The following ITPK1 variants were observed in gnomAD, a reference collection of about 807,000 sequenced individuals.
ITPK1 encodes inositol 1,3,4-trisphosphate 5/6-kinase.
A neutral mutation model predicts 45.3 loss-of-function variants in ITPK1; 21 were observed. The observed-to-expected ratio is 0.46, with a 90% CI of 0.33 to 0.67. The LOEUF is 0.67. ITPK1 is among the 30% of genes least tolerant of loss of function. The pLI, the probability that ITPK1 is intolerant of heterozygous loss-of-function variation, is 0.02. For synonymous variants in ITPK1, 258 were observed against 253.6 expected (o/e 1.02, Z -0.16); for missense variants, 474 against 573.5 (o/e 0.83, Z 1.77).
chr14:93,073,195 G>T (rs186035666), intron 3 of ITPK1, among the ~76,000 whole-genome samples: 70 of 152,346 alleles, frequency 4.6e-4, no homozygotes, highest in African/African-American at 1.7e-3. Flanking sequence ...TTACAGATGA[G>T]CAGAAAGACA....
chr14:92,948,188 G>A (rs1410986581), intron 9 of ITPK1, among the ~76,000 whole-genome samples: 1 of 152,056 alleles, frequency 6.6e-6, no homozygotes, highest in Non-Finnish European at 1.5e-5. Flanking sequence ...AATAACATGA[G>A]GTGGGGGAAA....
chr14:93,067,646 G>A (rs1045262768), intron 3 of ITPK1: 43 of 152,024 alleles, frequency 2.8e-4, no homozygotes, highest in African/African-American at 1.0e-3. Flanking sequence ...CAACTCACGA[G>A]CATTTCCCCA....
chr14:93,015,477 G>A (rs1888130272), intron 4 of ITPK1, among the ~76,000 whole-genome samples: 1 of 152,194 alleles, frequency 6.6e-6, no homozygotes, highest in African/African-American at 2.4e-5. Context: ...CTTATTCCTA[G>A]CACCCATTTT....
chr14:92,959,144 G>A (rs539008236), intron 7 of ITPK1, among the ~76,000 whole-genome samples: 123 of 152,320 alleles, frequency 8.1e-4, no homozygotes, highest in African/African-American at 2.8e-3. Flanking sequence ...GGTAGGGAGT[G>A]CAGGGGGGCA....
chr14:93,104,431 C>T (rs1023762805), intron 2 of ITPK1, among the ~76,000 whole-genome samples: 14 of 150,588 alleles, frequency 9.3e-5, no homozygotes, highest in Admixed American at 2.0e-4. Context: ...CCTTGCACTC[C>T]GGCCTGGGTG....
rs371931658 is a variant in ITPK1 at position 93,033,699 on chromosome 14, C to A, written c.121-16898G>T. Among the ~76,000 whole-genome samples, 92 of 152,266 alleles carry A rather than the reference C, an allele frequency of 6.0e-4. No homozygotes were observed. In the South Asian group the frequency reaches 0.015, roughly 24 times the overall value. On this transcript the variant is annotated intron_variant, in intron 3 of 10. Transcript: ENST00000267615. The stretch of plus-strand genomic sequence containing the variant: ...GAAAGGCAGAGAGGAGAAAGAGGCG[C>A]TAGAGAGAGACAGACACACACCCAC...
intron 3 of ITPK1, among the ~76,000 whole-genome samples, chr14:93,019,962 G>C (rs1367940193): frequency 6.6e-6 from 1 of 152,210 alleles, no homozygotes; most frequent in Admixed American, 6.5e-5. Context: ...AGAGGACGGG[G>C]TCTGGTTTGT....
At chr14:93,000,486 T>A (rs1016396974) in intron 4 of ITPK1, among the ~76,000 whole-genome samples, 1 of 152,200 alleles carries the variant, frequency 6.6e-6, no homozygotes, top group Non-Finnish European at 1.5e-5. Context: ...ACCAAGTTTC[T>A]GAGAGGCAAT....
chr14:93,039,636 C>A (rs898891802), intron 3 of ITPK1, among the ~76,000 whole-genome samples: 5 of 152,236 alleles, frequency 3.3e-5, no homozygotes, highest in African/African-American at 1.2e-4. Flanking sequence ...CCCCACTGTG[C>A]TTCTGTGACC....
chr14:92,982,174 C>G (rs1886267971), intron 5 of ITPK1, among the ~76,000 whole-genome samples: 1 of 152,232 alleles, frequency 6.6e-6, no homozygotes, highest in African/African-American at 2.4e-5. Context: ...TTGTATTACT[C>G]AGTGTGGCAG....
chr14:92,956,185 C>T (rs1191436751), intron 8 of ITPK1, among the ~76,000 whole-genome samples: 1 of 151,726 alleles, frequency 6.6e-6, no homozygotes, highest in African/African-American at 2.4e-5. Context: ...AGTGGCATGA[C>T]CACAGCTCAC....
chr14:93,036,059 C>T lies in ITPK1; in HGVS notation c.121-19258G>A, dbSNP rs1434171945. Among the ~76,000 whole-genome samples the T allele has an allele frequency of 2.0e-5, 3 of 152,208 alleles. No homozygotes were observed. Among genetic ancestry groups the T allele is most frequent in the Non-Finnish European group, 4.4e-5 (3 of 68,038 alleles). On this transcript the variant is annotated intron_variant, in intron 3 of 10. Transcript: ENST00000267615. The surrounding 1 kb of genome is among the most constrained non-coding windows in gnomAD (Gnocchi z 4.1). Reference sequence around the variant, plus strand: ...TTTGGAAACAGGTGGGAGGAGCACTCGCCAAGCCCAAGGCCACCCTTTCCA... The same window carrying T: ...TTTGGAAACAGGTGGGAGGAGCACTTGCCAAGCCCAAGGCCACCCTTTCCA...
chr14:92,965,222 A>T (rs1566701937), intron 5 of ITPK1, among the ~76,000 whole-genome samples: 1 of 152,262 alleles, frequency 6.6e-6, no homozygotes, highest in Non-Finnish European at 1.5e-5. Context: ...GTCAACACAC[A>T]GAATCAACCA....
At chr14:93,013,915 G>A (rs1173972780) in intron 4 of ITPK1, among the ~76,000 whole-genome samples, 4 of 152,136 alleles carry the variant, frequency 2.6e-5, no homozygotes, top group Admixed American at 1.3e-4. Context: ...CCCAGTGACC[G>A]GTGGTAGAAG....
chr14:92,991,274 C>T (rs983178881), intron 5 of ITPK1, among the ~76,000 whole-genome samples: 1 of 152,086 alleles, frequency 6.6e-6, no homozygotes, highest in Non-Finnish European at 1.5e-5. Context: ...ACCCACCCAG[C>T]GATGCTGGTG....
chr14:92,941,828 G>A lies in ITPK1; in HGVS notation c.978C>T (p.Ala326=). Reference sequence around the variant, plus strand: ...GGGCCACGTCCCCTGTGGCTGCCATGGCTGTGCTCTGGCCCTGCAGGACAG... The same window carrying A: ...GGGCCACGTCCCCTGTGGCTGCCATAGCTGTGCTCTGGCCCTGCAGGACAG... ...IATVLQGQST[A]MAATGDVALL... is the part of the protein sequence containing the mutation. The change falls in exon 11 of 11, where the codon GCC becomes GCT. Residue 326 remains alanine (A), a synonymous_variant. Coordinates refer to ENST00000267615, the MANE Select transcript of ITPK1 (RefSeq NM_014216.6). The A allele has an allele frequency of 6.2e-7, 1 of 1,612,190 alleles. No individual in the cohort carries two copies. Among genetic ancestry groups the A allele is most frequent in the Non-Finnish European group, 8.5e-7 (1 of 1,179,816 alleles).
chr14:92,986,746 A>G, intron 5 of ITPK1, among the ~76,000 whole-genome samples: 1 of 152,192 alleles, frequency 6.6e-6, no homozygotes, highest in Non-Finnish European at 1.5e-5. Context: ...AAGGCTCAGC[A>G]AGGTTAAGCT....
Position 92,941,332 on chromosome 14 carries a change from T to G in ITPK1, c.*229A>C. The G allele has an allele frequency of 7.1e-7, 1 of 1,411,916 alleles. No individual in the cohort carries two copies. Among genetic ancestry groups the G allele is most frequent in the African/African-American group, 1.5e-5 (1 of 68,048 alleles). The allele number at this position is 1,411,916 out of a possible 1,614,324, so 87.5% of individuals were successfully genotyped here. On this transcript the variant is annotated 3_prime_UTR_variant, in exon 11 of 11. Coordinates refer to ENST00000267615, the MANE Select transcript of ITPK1 (RefSeq NM_014216.6). The stretch of plus-strand genomic sequence containing the variant: ...AAACTCAGTTAGGAGGTCTGCACAG[T>G]AGAGAGCAGGCGGACGGCCCCACTC...
intron 2 of ITPK1, among the ~76,000 whole-genome samples, chr14:93,083,228 G>A (rs889495823): frequency 1.3e-5 from 2 of 152,162 alleles, no homozygotes; most frequent in African/African-American, 2.4e-5. Flanking sequence ...GACACTCTGG[G>A]ATGACAGACC....
Sources: gnomAD v4.1 joint callset for allele counts (sites outside exome capture counted in the v4.1 genomes callset) on GRCh38, gnomAD v4.1.1 for gene constraint, Gnocchi (gnomAD v3.1) non-coding constraint, MANE v1.5 for transcripts, NCBI Gene and HGNC (gene_info 2026-07-23, HGNC 2026-07-21) for gene names.